UBE2F: variants seen among roughly 807,000 people sequenced by gnomAD.
The protein encoded by UBE2F is ubiquitin conjugating enzyme E2 F (putative).
A neutral mutation model predicts 29.6 loss-of-function variants in UBE2F; 5 were observed. That is an observed-to-expected ratio of 0.17 (90% confidence interval 0.09 to 0.36). The LOEUF (loss-of-function observed/expected upper bound fraction) is 0.36, where lower values mean the gene tolerates loss of function less well. Ranked by LOEUF, UBE2F falls within the 10% of genes least tolerant of loss-of-function variation. The pLI is 1.00. For missense variants in UBE2F, 141 were observed against 228.5 expected (o/e 0.62, Z 2.47); for synonymous variants, 66 against 81.8 (o/e 0.81, Z 1.04).
At chr2:238,012,271 C>G (rs1329882203) in intron 4 of UBE2F, among the ~76,000 whole-genome samples, 1 of 152,090 alleles carries the variant, frequency 6.6e-6, no homozygotes, top group Non-Finnish European at 1.5e-5. Flanking sequence ...TTGGAAGCCA[C>G]CTGACTTGGA....
At chr2:237,995,512 TAAC>T (rs142287309) in intron 4 of UBE2F, among the ~76,000 whole-genome samples, 1,579 of 152,320 alleles carry the variant, frequency 0.01, 17 homozygotes, top group Non-Finnish European at 0.018. Flanking sequence ...TGTGGGGAAT[TAAC>T]AAGAGGGAAG....
chr2:237,968,195 G>C (rs1257139325), intron 1 of UBE2F, among the ~76,000 whole-genome samples: 1 of 152,156 alleles, frequency 6.6e-6, no homozygotes. Context: ...GGAGCATAGA[G>C]GTGGGAGAGA....
At chr2:238,041,147 C>T in intron 9 of UBE2F, 141 bp from the exon 10 acceptor site, 1 of 752,712 alleles carries the variant, frequency 1.3e-6, no homozygotes, top group Non-Finnish European at 2.3e-6. Context: ...TCAGACTCCG[C>T]AAGGTCCCAG....
rs1321767383 is a variant in UBE2F at position 238,040,542 on chromosome 2, G to A, written c.508-746G>A. On this transcript the variant is annotated intron_variant, in intron 9 of 9. Transcript: ENST00000272930. The surrounding 1 kb of genome is among the most constrained non-coding windows in gnomAD (Gnocchi z 4.4). ...TCTGAGACCCAGCAGCTGTGTTGTA[G>A]GAGTGAGAGGGTTAAGAGCTCCAAG... Among the ~76,000 whole-genome samples, 2 of 152,146 alleles carry A rather than the reference G, an allele frequency of 1.3e-5. No homozygotes were observed. Among genetic ancestry groups the A allele is most frequent in the Non-Finnish European group, 2.9e-5 (2 of 68,034 alleles).
intron 1 of UBE2F, among the ~76,000 whole-genome samples, chr2:237,971,001 C>T (rs959909651): frequency 2.0e-5 from 3 of 152,244 alleles, no homozygotes; most frequent in Non-Finnish European, 4.4e-5. Context: ...GCATGAGCCA[C>T]CATGCCTGGC....
Position 237,973,119 on chromosome 2 carries a change from A to G in UBE2F, c.12A>G (p.Leu4=). 2 of 1,613,036 alleles carry G rather than the reference A, an allele frequency of 1.2e-6. No individual in the cohort carries two copies. Among genetic ancestry groups the G allele is most frequent in the Non-Finnish European group, 1.7e-6 (2 of 1,179,070 alleles). ...TAAAGGCAGCAGTAATGCTAACGCT[A>G]GCAAGTAAACTGAAGCGTGACGATG... MLT[L]ASKLKRDDGL... is the part of the protein sequence containing the mutation. The change falls in exon 2 of 10, where the codon CTA becomes CTG. Residue 4 remains leucine, a synonymous_variant. Transcript: ENST00000272930.
chr2:238,036,057 C>G (rs147700946), intron 9 of UBE2F, 117 bp downstream of exon 9: 6 of 919,774 alleles, frequency 6.5e-6, no homozygotes, highest in Non-Finnish European at 8.5e-6. Context: ...GGATGCAAGG[C>G]TGGAATTCAA....
chr2:237,973,308 C>T, intron 2 of UBE2F, 83 bp downstream of exon 2: 1 of 1,434,176 alleles, frequency 7.0e-7, no homozygotes, highest in Non-Finnish European at 9.7e-7. Context: ...TATAAAGCAA[C>T]CTACTGCTGA....
intron 4 of UBE2F, 97 bp from the exon 5 acceptor site, chr2:238,016,469 C>A: frequency 2.9e-6 from 3 of 1,031,600 alleles, no homozygotes; most frequent in Non-Finnish European, 4.3e-6. Context: ...ACTCCTGATT[C>A]TCTGTATTTG....
intron 4 of UBE2F, among the ~76,000 whole-genome samples, chr2:238,004,984 A>T (rs2063871196): frequency 6.6e-6 from 1 of 152,226 alleles, no homozygotes; most frequent in Non-Finnish European, 1.5e-5. Flanking sequence ...GCATCCAGAA[A>T]GGAGTGCCCT....
chr2:237,983,310 G>A (rs972787502), intron 2 of UBE2F, among the ~76,000 whole-genome samples: 3 of 152,240 alleles, frequency 2.0e-5, no homozygotes, highest in African/African-American at 7.2e-5. Flanking sequence ...TTTTCTCAGT[G>A]TGAGAAGGCT....
chr2:237,968,853 A>G, intron 1 of UBE2F: 1 of 985,292 alleles, frequency 1.0e-6, no homozygotes, highest in African/African-American at 1.7e-5. Flanking sequence ...GTTTTAAACC[A>G]GATCTTCAAG....
rs558120814 is a variant in UBE2F, at chr2:237,999,141, G to A, written c.214+4332G>A. On this transcript the variant is annotated intron_variant, in intron 4 of 9. Transcript: ENST00000272930. ...TCTGTCACCCAGGCTGGAGTGCAGT[G>A]GTGCAACTTCACCTCACTGAAATCT... Among the ~76,000 whole-genome samples the A allele has an allele frequency of 2.9e-5, 4 of 138,340 alleles. No homozygotes were observed. In the East Asian group the frequency reaches 8.7e-4, roughly 30 times the overall value. 90.8% of individuals were successfully genotyped at this position (138,340 alleles called of 152,430 possible).
chr2:238,034,493 C>G (rs1407447173), intron 8 of UBE2F, among the ~76,000 whole-genome samples: 3 of 152,004 alleles, frequency 2.0e-5, no homozygotes, highest in Non-Finnish European at 4.4e-5. Context: ...TCTCAGTGCT[C>G]TAAGTAAATT....
At chr2:238,003,317 C>A (rs181910110) in intron 4 of UBE2F, 1 of 470,038 alleles carries the variant, frequency 2.1e-6, no homozygotes, top group Non-Finnish European at 4.4e-6. Context: ...AAAGCATTCT[C>A]TTAACTTTCA....
intron 4 of UBE2F, among the ~76,000 whole-genome samples, chr2:237,996,506 A>G (rs1278070108): frequency 1.4e-5 from 2 of 138,150 alleles, no homozygotes; most frequent in African/African-American, 2.7e-5. Context: ...ACCAAGTCTC[A>G]CTCTGCCACC....
intron 2 of UBE2F, among the ~76,000 whole-genome samples, chr2:237,986,578 T>G (rs1352095084): frequency 6.6e-6 from 1 of 152,230 alleles, no homozygotes. Context: ...ATCAAAAAAA[T>G]CATTGCCAAG....
At chr2:237,985,942 A>T (rs1395621490) in intron 2 of UBE2F, among the ~76,000 whole-genome samples, 1 of 152,082 alleles carries the variant, frequency 6.6e-6, no homozygotes, top group Non-Finnish European at 1.5e-5. Context: ...ATGTTCAGTG[A>T]TGTTGAGCAC....
intron 3 of UBE2F, among the ~76,000 whole-genome samples, chr2:237,992,498 C>T (rs2063610428): frequency 6.6e-6 from 1 of 152,196 alleles, no homozygotes; most frequent in Non-Finnish European, 1.5e-5. Flanking sequence ...ACATTGTCAT[C>T]TCTAAGACTG....
Sources: allele counts gnomAD v4.1 joint callset (sites outside exome capture counted in the v4.1 genomes callset), GRCh38; gene constraint gnomAD v4.1.1; non-coding constraint Gnocchi (gnomAD v3.1); transcripts MANE v1.5; gene names NCBI Gene and HGNC (gene_info 2026-07-23, HGNC 2026-07-21).